The following SLC16A12 variants were observed in gnomAD, a reference collection of about 807,000 sequenced individuals.
SLC16A12 encodes the protein monocarboxylate transporter 12.
Under a neutral mutation model 42.4 loss-of-function variants are expected in SLC16A12, and 17 were observed. The ratio of observed to expected loss-of-function variants is 0.40; its 90% CI spans 0.27 to 0.60. The LOEUF (loss-of-function observed/expected upper bound fraction) is 0.60, where lower values mean the gene tolerates loss of function less well. Ranked by LOEUF, SLC16A12 falls within the 20% of genes least tolerant of loss-of-function variation. The probability of loss-of-function intolerance (pLI) is 0.42; values close to 1 mark genes in which losing one functional copy is unlikely to be tolerated. For missense variants in SLC16A12, 544 were observed against 623.0 expected (o/e 0.87, Z 1.35); for synonymous variants, 224 against 229.4 (o/e 0.98, Z 0.21).
intron 2 of SLC16A12, among the ~76,000 whole-genome samples, chr10:89,543,693 G>A (rs1162567428): frequency 6.6e-6 from 1 of 152,086 alleles, no homozygotes; most frequent in Non-Finnish European, 1.5e-5. Context: ...AACTTAGCTA[G>A]GCATGGTGGC....
intron 2 of SLC16A12, among the ~76,000 whole-genome samples, chr10:89,468,697 A>T (rs886188369): frequency 6.6e-6 from 1 of 152,230 alleles, no homozygotes; most frequent in Non-Finnish European, 1.5e-5. Flanking sequence ...AGAAATGTGC[A>T]GGTTAGACAT....
At chr10:89,515,123 ACAAAAC>A (rs1438563537) in intron 2 of SLC16A12, among the ~76,000 whole-genome samples, 10 of 150,206 alleles carry the variant, frequency 6.7e-5, no homozygotes, top group Admixed American at 6.6e-4. Context: ...ACAAAACAAA[ACAAAAC>A]AAAAAAAAAA....
chr10:89,513,899 A>T (rs1334732041), intron 2 of SLC16A12, among the ~76,000 whole-genome samples: 1 of 152,236 alleles, frequency 6.6e-6, no homozygotes, highest in Admixed American at 6.5e-5. Flanking sequence ...AAAAGAAGTC[A>T]GATTCTGGAT....
chr10:89,530,946 T>G (rs1843541609), intron 2 of SLC16A12, among the ~76,000 whole-genome samples: 1 of 152,228 alleles, frequency 6.6e-6, no homozygotes, highest in Non-Finnish European at 1.5e-5. Context: ...CTGGCTTCTT[T>G]CACTTAGCAT....
intron 2 of SLC16A12, among the ~76,000 whole-genome samples, chr10:89,544,639 T>C (rs1843732743): frequency 6.6e-6 from 1 of 152,214 alleles, no homozygotes; most frequent in African/African-American, 2.4e-5. Flanking sequence ...GTGAGGAAAT[T>C]TATTGAAATT....
At chr10:89,438,185 T>G (rs1452912247) in intron 6 of SLC16A12, among the ~76,000 whole-genome samples, 7 of 148,566 alleles carry the variant, frequency 4.7e-5, no homozygotes, top group African/African-American at 1.5e-4. Context: ...TTGTACTACC[T>G]GTGAATTAAG....
At chr10:89,446,800 G>C (rs961808620) in intron 3 of SLC16A12, among the ~76,000 whole-genome samples, 8 of 152,098 alleles carry the variant, frequency 5.3e-5, no homozygotes, top group African/African-American at 1.4e-4. Context: ...CCAATTAAAA[G>C]ACACAGACTA....
At chr10:89,543,354 A>G (rs1843726870) in intron 2 of SLC16A12, among the ~76,000 whole-genome samples, 1 of 152,240 alleles carries the variant, frequency 6.6e-6, no homozygotes, top group South Asian at 2.1e-4. Context: ...ATAGTCATTA[A>G]GAACCCAAGT....
chr10:89,546,445 C>G (rs906845039), intron 2 of SLC16A12, among the ~76,000 whole-genome samples: 2 of 152,206 alleles, frequency 1.3e-5, no homozygotes, highest in African/African-American at 4.8e-5. Context: ...CTCAACATCA[C>G]TGATCATCAG....
At chr10:89,436,447 T>A in intron 6 of SLC16A12, 128 bp from the exon 7 acceptor site, 1 of 1,094,974 alleles carries the variant, frequency 9.1e-7, no homozygotes, top group Non-Finnish European at 1.4e-6. Flanking sequence ...GTGTGTTATG[T>A]ATGCTGTCTT....
chr10:89,483,142 A>AGTGCAT (rs1387960148), intron 2 of SLC16A12, among the ~76,000 whole-genome samples: 1 of 151,904 alleles, frequency 6.6e-6, no homozygotes, highest in Non-Finnish European at 1.5e-5. Flanking sequence ...GCCTTTCTTG[A>AGTGCAT]GTGCATGTGC....
upstream of SLC16A12, among the ~76,000 whole-genome samples, chr10:89,537,569 T>C (rs994366895): frequency 4.6e-5 from 7 of 152,168 alleles, no homozygotes; most frequent in African/African-American, 7.2e-5. Flanking sequence ...TTCATTAGCA[T>C]TGAAAATGAA....
chr10:89,512,023 A>G (rs1589718018), intron 2 of SLC16A12, among the ~76,000 whole-genome samples: 1 of 152,362 alleles, frequency 6.6e-6, no homozygotes, highest in East Asian at 1.9e-4. Context: ...AAGCCTGAAG[A>G]CATTATGCTA....
intron 2 of SLC16A12, among the ~76,000 whole-genome samples, chr10:89,465,099 C>T (rs1195240238): frequency 2.6e-5 from 4 of 152,164 alleles, no homozygotes; most frequent in Non-Finnish European, 5.9e-5. Context: ...TATAGAGCTG[C>T]TATTTACAAA....
intron 2 of SLC16A12, among the ~76,000 whole-genome samples, chr10:89,500,018 AC>A (rs1842971565): frequency 6.6e-6 from 1 of 152,200 alleles, no homozygotes; most frequent in Non-Finnish European, 1.5e-5. Flanking sequence ...TATTATGAAT[AC>A]CTTTATGGGC....
intron 2 of SLC16A12, among the ~76,000 whole-genome samples, chr10:89,484,879 A>T (rs769489351): frequency 5.9e-5 from 9 of 152,170 alleles, no homozygotes; most frequent in Non-Finnish European, 1.2e-4. Flanking sequence ...AGTGACAGCC[A>T]CGTTTGTGCT....
chr10:89,540,029 CCTTT>C (rs1404921220), upstream of SLC16A12, among the ~76,000 whole-genome samples: 9 of 149,140 alleles, frequency 6.0e-5, no homozygotes, highest in East Asian at 9.8e-4. Flanking sequence ...TTCCTTCCTT[CCTTT>C]CTTTTCTCTG....
At chr10:89,474,395 T>C (rs1286960204) in intron 2 of SLC16A12, among the ~76,000 whole-genome samples, 3 of 152,102 alleles carry the variant, frequency 2.0e-5, no homozygotes, top group African/African-American at 7.2e-5. Context: ...ACTCTACGCC[T>C]AATAAATGAA....
chr10:89,462,268 A>G (rs994448600), intron 3 of SLC16A12, 111 bp downstream of exon 3: 80 of 1,452,898 alleles, frequency 5.5e-5, no homozygotes, highest in Non-Finnish European at 4.0e-5. Context: ...CACACACCAC[A>G]TGAACACACA....
Sources: allele counts gnomAD v4.1 joint callset (sites outside exome capture counted in the v4.1 genomes callset), GRCh38; gene constraint gnomAD v4.1.1; transcripts MANE v1.5; gene names NCBI Gene and HGNC (gene_info 2026-07-23, HGNC 2026-07-21).